The following CEP135 variants were observed in gnomAD, a reference collection of about 807,000 sequenced individuals.
CEP135 encodes the protein centrosomal protein of 135 kDa.
A neutral mutation model predicts 157.3 loss-of-function variants in CEP135; 142 were observed. The ratio of observed to expected loss-of-function variants is 0.90; its 90% CI spans 0.79 to 1.04. CEP135 has a LOEUF of 1.04. Ranked by LOEUF, CEP135 falls within the 50% of genes least tolerant of loss-of-function variation. The probability of loss-of-function intolerance (pLI) is 0.00; values close to 1 mark genes in which losing one functional copy is unlikely to be tolerated. For synonymous variants in CEP135, 396 were observed against 439.8 expected (o/e 0.90, Z 1.25); for missense variants, 1,317 against 1,309.2 (o/e 1.01, Z -0.09).
At chr4:55,987,774 A>T (rs1430310295) in intron 14 of CEP135, among the ~76,000 whole-genome samples, 1 of 152,230 alleles carries the variant, frequency 6.6e-6, no homozygotes, top group Non-Finnish European at 1.5e-5. Flanking sequence ...ACAAAGAAAT[A>T]AGAAAATATT....
chr4:55,998,797 G>A (rs188751302), intron 15 of CEP135, among the ~76,000 whole-genome samples: 2 of 152,222 alleles, frequency 1.3e-5, no homozygotes, highest in East Asian at 3.9e-4. Context: ...CCCAGGAGGC[G>A]GAGGTTGCAG....
At chr4:55,985,214 GCTTA>G in intron 13 of CEP135, 63 bp from the exon 14 acceptor site, 1 of 774,600 alleles carries the variant, frequency 1.3e-6, no homozygotes, top group Non-Finnish European at 2.2e-6. Flanking sequence ...GACTTACATT[GCTTA>G]CTGTGGTGAT....
Position 55,992,149 on chromosome 4 carries a change from A to T in CEP135, c.2009+64A>T, listed in dbSNP as rs573766554. On this transcript the variant is annotated intron_variant, in intron 15 of 25. Transcript: ENST00000257287. ...ATGTGTTTGTGGTTATGTAAAGTTT[A>T]TAATCATGGCATTTTGGACTGGGCC... The T allele has an allele frequency of 2.7e-6, 4 of 1,501,660 alleles. No individual in the cohort carries two copies. The South Asian group carries it at 3.8e-5, about 14-fold the overall frequency. 93.0% of individuals were successfully genotyped at this position (1,501,660 alleles called of 1,614,324 possible). A position where few individuals can be genotyped will look rare whatever the true frequency, so the allele number is the denominator to read the frequency against.
chr4:56,004,797 G>C (rs1048424357), intron 17 of CEP135, among the ~76,000 whole-genome samples: 3 of 152,020 alleles, frequency 2.0e-5, no homozygotes, highest in African/African-American at 7.2e-5. Context: ...TGTCTTTATA[G>C]GTGAAGTGGG....
At chr4:55,994,728 C>T (rs923670059) in intron 15 of CEP135, among the ~76,000 whole-genome samples, 1 of 150,794 alleles carries the variant, frequency 6.6e-6, no homozygotes, top group Non-Finnish European at 1.5e-5. Flanking sequence ...CTCTGTTGGC[C>T]CGGCTGGAGC....
chr4:55,978,133 G>A (rs1729281794), intron 11 of CEP135, among the ~76,000 whole-genome samples: 1 of 152,144 alleles, frequency 6.6e-6, no homozygotes, highest in Non-Finnish European at 1.5e-5. Context: ...GAAGAGTAGA[G>A]TTTCTGCTTA....
chr4:56,030,920 A>G (rs1456870260), intron 25 of CEP135, among the ~76,000 whole-genome samples: 1 of 152,182 alleles, frequency 6.6e-6, no homozygotes, highest in Non-Finnish European at 1.5e-5. Context: ...AAGTGAGAGG[A>G]TCACTTGAGT....
At chr4:55,981,950 A>G (rs990080594) in intron 13 of CEP135, among the ~76,000 whole-genome samples, 1 of 152,178 alleles carries the variant, frequency 6.6e-6, no homozygotes, top group African/African-American at 2.4e-5. Flanking sequence ...CAGGCTCCTC[A>G]ACTTATACTG....
rs147417922 is a variant in CEP135 at position 55,979,335 on chromosome 4, A to G, written c.1474-808A>G. ...TTTATTTTCTACCATAGTGATGAAG[A>G]CAGTGAATCTTTTGAATTGTACTAA... On this transcript the variant is annotated intron_variant, in intron 11 of 25. Coordinates refer to ENST00000257287, the MANE Select transcript of CEP135 (RefSeq NM_025009.5). Among the ~76,000 whole-genome samples, 357 of 152,328 alleles carry G rather than the reference A, an allele frequency of 2.3e-3. 1 individual carries two copies. Among genetic ancestry groups the G allele is most frequent in the African/African-American group, 7.9e-3 (327 of 41,568 alleles).
chr4:55,981,217 A>G lies in CEP135; in HGVS notation c.1627-10A>G. On this transcript the variant is annotated splice_polypyrimidine_tract_variant and intron_variant, in intron 12 of 25. Transcript: ENST00000257287. ...GTGCCTTTTTAATTTATATCTTTTC[A>G]TTCTTTAAGGCTCAGGAAGAATTAT... is the stretch of plus-strand genomic sequence containing the variant. The G allele has an allele frequency of 1.3e-6, 2 of 1,561,984 alleles. No individual in the cohort carries two copies. The highest frequency in any genetic ancestry group is 2.5e-5 in the South Asian group (2 of 79,612).
chr4:55,994,744 G>A (rs1299175737), intron 15 of CEP135, among the ~76,000 whole-genome samples: 12 of 147,796 alleles, frequency 8.1e-5, no homozygotes. Flanking sequence ...GGAGCTCAGT[G>A]GCATGATCTT....
At position 56,003,165 on chromosome 4, in the gene CEP135, A is replaced by G. The variant is rs180671906; in HGVS notation, c.2280+3520A>G. Among the ~76,000 whole-genome samples the G allele has an allele frequency of 4.3e-3, 655 of 152,068 alleles. 3 individuals are homozygous for G. Among genetic ancestry groups the G allele is most frequent in the African/African-American group, 0.015 (621 of 41,488 alleles). On this transcript the variant is annotated intron_variant, in intron 17 of 25. Transcript: ENST00000257287. The stretch of plus-strand genomic sequence containing the variant: ...TTTTTGTTTATCTTTTTTAAAAACC[A>G]ACTTTTCATTTCATTGATCTTTTGT...
At chr4:55,950,223 ACCTACTTTGTGGCC>A (rs538937022) in intron 1 of CEP135, among the ~76,000 whole-genome samples, 1 of 152,276 alleles carries the variant, frequency 6.6e-6, no homozygotes, top group South Asian at 2.1e-4. Flanking sequence ...ATGACTGCCC[ACCTACTTTGTGGCC>A]CCGTGGTTTT....
chr4:55,980,879 A>C (rs1409484132), intron 12 of CEP135, among the ~76,000 whole-genome samples: 1 of 152,152 alleles, frequency 6.6e-6, no homozygotes, highest in African/African-American at 2.4e-5. Context: ...ACGTTGAAAG[A>C]GTCACTTAAT....
intron 14 of CEP135, among the ~76,000 whole-genome samples, chr4:55,988,923 G>A (rs1313354408): frequency 1.3e-5 from 2 of 149,884 alleles, no homozygotes; most frequent in Non-Finnish European, 3.0e-5. Context: ...CCGAGATCAC[G>A]CCACTGCACT....
At chr4:55,964,960 GA>G (rs1162681560) in intron 7 of CEP135, 1 of 152,092 alleles carries the variant, frequency 6.6e-6, no homozygotes. Context: ...CATGCAGTAT[GA>G]CACAGGAACT....
rs1577866355 is a variant in CEP135, at chr4:55,959,566, C to G, written c.615-116C>G. Reference sequence around the variant, plus strand: ...TTGGGGACCCTTTGGCACAGTACGTCCTACCTGTTTGAGAAGCTGAAAGTA... The same window carrying G: ...TTGGGGACCCTTTGGCACAGTACGTGCTACCTGTTTGAGAAGCTGAAAGTA... On this transcript the variant is annotated intron_variant, in intron 5 of 25. Transcript: ENST00000257287. 3 of 832,458 alleles carry G rather than the reference C, an allele frequency of 3.6e-6. No individual in the cohort carries two copies. The East Asian group carries it at 7.9e-5, about 22-fold the overall frequency. The allele number at this position is 832,458 out of a possible 1,614,324, so 51.6% of individuals were successfully genotyped here. A position where few individuals can be genotyped will look rare whatever the true frequency, so the allele number is the denominator to read the frequency against.
chr4:56,006,551 G>T (rs1730351643), intron 17 of CEP135, among the ~76,000 whole-genome samples: 1 of 152,140 alleles, frequency 6.6e-6, no homozygotes, highest in South Asian at 2.1e-4. Context: ...CTAGGTGGTT[G>T]AGTCTGCAGT....
intron 1 of CEP135, among the ~76,000 whole-genome samples, chr4:55,951,215 C>G (rs1226566019): frequency 6.6e-6 from 1 of 152,078 alleles, no homozygotes. Context: ...TGTGAACATT[C>G]TTGTAGAGTA....
Sources: gnomAD v4.1 joint callset for allele counts (sites outside exome capture counted in the v4.1 genomes callset) on GRCh38, gnomAD v4.1.1 for gene constraint, MANE v1.5 for transcripts, NCBI Gene and HGNC (gene_info 2026-07-23, HGNC 2026-07-21) for gene names.